COL5A2: variants seen among roughly 807,000 people sequenced by gnomAD.
The protein encoded by COL5A2 is collagen alpha-2(V) chain.
In COL5A2, 23 loss-of-function variants were observed where a neutral mutation model predicts 208.2. That is an observed-to-expected ratio of 0.11 (90% CI 0.08 to 0.16). The LOEUF (loss-of-function observed/expected upper bound fraction) is 0.16. COL5A2 is among the 10% of genes least tolerant of loss of function. The pLI is 1.00. For missense variants in COL5A2, 1,590 were observed against 1,956.4 expected (o/e 0.81, Z 3.53); for synonymous variants, 625 against 628.5 (o/e 0.99, Z 0.08).
chr2:189,072,554 C>T lies in COL5A2; in HGVS notation c.1105-461G>A, dbSNP rs111227258. ...TGGGAGGCCAAGGCAGGCAGATCAC[C>T]TGAGGTCAGGAGTTCGAGACCAGCC... On this transcript the variant is annotated intron_variant, in intron 17 of 53. Transcript: ENST00000374866. Among the ~76,000 whole-genome samples, 700 of 152,048 alleles carry T rather than the reference C, an allele frequency of 4.6e-3. 5 individuals carry two copies. The highest frequency in any genetic ancestry group is 0.016 in the African/African-American group (645 of 41,516).
At chr2:189,229,439 C>T (rs1225090523), upstream of COL5A2, among the ~76,000 whole-genome samples, 1 of 49,340 alleles carries the variant, frequency 2.0e-5, no homozygotes, top group Non-Finnish European at 4.2e-5. Flanking sequence ...CATACACACA[C>T]ACAAAAAAAA....
the COL5A2 span, among the ~76,000 whole-genome samples, chr2:189,346,817 A>G: frequency 2.0e-5 from 3 of 152,092 alleles, no homozygotes; most frequent in African/African-American, 7.2e-5. Context: ...GAGCCACCAG[A>G]CCTGGTGCTC....
the COL5A2 span, among the ~76,000 whole-genome samples, chr2:189,324,002 C>A: frequency 2.6e-5 from 4 of 152,282 alleles, no homozygotes; most frequent in East Asian, 3.9e-4. Flanking sequence ...GAACAGAGCC[C>A]TCAGAAATAA....
chr2:189,317,712 G>A, the COL5A2 span, among the ~76,000 whole-genome samples: 1 of 152,148 alleles, frequency 6.6e-6, no homozygotes, highest in African/African-American at 2.4e-5. Flanking sequence ...CCAAAGAGTA[G>A]TTAATCTAAA....
At chr2:189,049,278 C>T in intron 44 of COL5A2, 69 bp downstream of exon 44, 1 of 1,102,172 alleles carries the variant, frequency 9.1e-7, no homozygotes. Flanking sequence ...AAATCAATTG[C>T]TAAATGAAAA....
At chr2:189,344,619 G>C in the COL5A2 span, among the ~76,000 whole-genome samples, 1 of 152,224 alleles carries the variant, frequency 6.6e-6, no homozygotes, top group Middle Eastern at 3.4e-3. Flanking sequence ...TCTCTCCATC[G>C]GTTGGGCTTG....
At chr2:189,174,350 C>A (rs1688637153) in intron 1 of COL5A2, among the ~76,000 whole-genome samples, 1 of 152,198 alleles carries the variant, frequency 6.6e-6, no homozygotes, top group Non-Finnish European at 1.5e-5. Flanking sequence ...GAATGATTCG[C>A]CTAATCCACC....
intron 1 of COL5A2, among the ~76,000 whole-genome samples, chr2:189,188,553 T>C (rs918918514): frequency 6.6e-6 from 1 of 152,226 alleles, no homozygotes; most frequent in African/African-American, 2.4e-5. Context: ...CAATTCTCTG[T>C]AGCTAAATTG....
chr2:189,147,028 A>G (rs889816186), intron 1 of COL5A2, among the ~76,000 whole-genome samples: 1 of 152,236 alleles, frequency 6.6e-6, no homozygotes. Context: ...AATGTCAAAC[A>G]GAGGAAGGAA....
chr2:189,051,732 G>A (rs928024390), intron 41 of COL5A2, among the ~76,000 whole-genome samples: 6 of 152,084 alleles, frequency 3.9e-5, no homozygotes, highest in Non-Finnish European at 7.3e-5. Flanking sequence ...TTAAAGAGTG[G>A]TGCAACTAAC....
In COL5A2 at chr2:189,034,084, C is replaced by G; in HGVS notation, c.4486G>C (p.Val1496Leu). Residue 1496 changes from valine to leucine, a missense_variant, in exon 54 of 54, where the codon GTT becomes CTT. Coordinates refer to ENST00000374866, the MANE Select transcript of COL5A2 (RefSeq NM_000393.5). ...CTTGGCTTACTTTACACAAAACAAA[C>G]TGGCCCAATTTCAACGCCGAATTCC... is the stretch of plus-strand genomic sequence containing the variant. Reference protein sequence around the residue: ...DQEFGVEIGPVCFV With the variant: ...DQEFGVEIGPLCFV 3.1e-6 allele frequency: 5 copies of G among 1,613,982 alleles called. No homozygotes were observed. Among genetic ancestry groups the G allele is most frequent in the Non-Finnish European group, 4.2e-6 (5 of 1,179,888 alleles).
In COL5A2 at chr2:189,035,039, T is replaced by A; in HGVS notation, c.4230A>T (p.Gly1410=). ...GGTTCTTAGCTTGATCGTCCATGTA[T>A]CCTACACTGTTTTTACAGATGTAAG... ...NITYICKNSV[G]YMDDQAKNLK... Residue 1410 remains glycine (G), a synonymous_variant, in exon 53 of 54, where the codon GGA becomes GGT. Transcript: ENST00000374866. 1 of 1,613,926 alleles carries A rather than the reference T, an allele frequency of 6.2e-7. No individual in the cohort carries two copies. Among genetic ancestry groups the A allele is most frequent in the Non-Finnish European group, 8.5e-7 (1 of 1,179,896 alleles).
intron 1 of COL5A2, among the ~76,000 whole-genome samples, chr2:189,176,233 T>C (rs186636876): frequency 6.6e-6 from 1 of 152,312 alleles, no homozygotes; most frequent in Admixed American, 6.5e-5. Flanking sequence ...ACATGATGGC[T>C]GTAAATTCAT....
At chr2:189,087,599 C>A (rs996223858) in intron 8 of COL5A2, among the ~76,000 whole-genome samples, 3 of 151,036 alleles carry the variant, frequency 2.0e-5, no homozygotes, top group Non-Finnish European at 4.4e-5. Flanking sequence ...ACTACAGGCA[C>A]CTGCCACCAT....
chr2:189,275,968 CTT>C, the COL5A2 span, among the ~76,000 whole-genome samples: 2 of 152,106 alleles, frequency 1.3e-5, no homozygotes, highest in Non-Finnish European at 2.9e-5. Flanking sequence ...TAACACTATT[CTT>C]TTCAATTGTT....
chr2:189,098,258 T>G (rs1686962943), intron 5 of COL5A2, among the ~76,000 whole-genome samples: 1 of 152,236 alleles, frequency 6.6e-6, no homozygotes, highest in Non-Finnish European at 1.5e-5. Context: ...GTATATGTTA[T>G]GAATACTGCT....
chr2:189,310,718 C>T, the COL5A2 span, among the ~76,000 whole-genome samples: 1 of 122,798 alleles, frequency 8.1e-6, no homozygotes, highest in Non-Finnish European at 1.7e-5. Context: ...GGTACACATA[C>T]ACAATGGAGT....
At chr2:189,392,527 T>G in the COL5A2 span, among the ~76,000 whole-genome samples, 7 of 152,164 alleles carry the variant, frequency 4.6e-5, no homozygotes, top group Non-Finnish European at 1.0e-4. Context: ...TTTAACTTTA[T>G]AGGACAAATA....
chr2:189,146,632 A>C (rs927038196), intron 1 of COL5A2, among the ~76,000 whole-genome samples: 1 of 152,178 alleles, frequency 6.6e-6, no homozygotes, highest in Non-Finnish European at 1.5e-5. Context: ...GGAACTTAGG[A>C]AAATCTGGCC....
Sources: allele counts gnomAD v4.1 joint callset (sites outside exome capture counted in the v4.1 genomes callset), GRCh38; gene constraint gnomAD v4.1.1; transcripts MANE v1.5; gene names NCBI Gene and HGNC (gene_info 2026-07-23, HGNC 2026-07-21).